NXF3: variants seen among roughly 807,000 people sequenced by gnomAD.
NXF3 encodes nuclear RNA export factor 3, also known as TAP-like protein 3.
A neutral mutation model predicts 48.4 loss-of-function variants in NXF3; 34 were observed. The ratio of observed to expected loss-of-function variants is 0.70; its 90% confidence interval spans 0.53 to 0.93. The LOEUF is 0.93. Ranked by LOEUF, NXF3 falls within the 40% of genes least tolerant of loss-of-function variation. The pLI is 0.00. For synonymous variants in NXF3, 132 were observed against 145.7 expected (o/e 0.91, Z 0.68); for missense variants, 359 against 406.1 (o/e 0.88, Z 1.00).
chrX:103,078,289 C>T (rs1921920002), intron 17 of NXF3, among the ~76,000 whole-genome samples: 1 of 111,700 alleles, frequency 9.0e-6, no homozygotes, highest in Non-Finnish European at 1.9e-5. Context: ...CCACACCCAG[C>T]TAATTTTTAG....
chrX:103,083,087 G>A lies in NXF3; in HGVS notation c.622-14C>T. The A allele has an allele frequency of 2.2e-5, 26 of 1,208,668 alleles. No homozygotes were observed. Among genetic ancestry groups the A allele is most frequent in the Non-Finnish European group, 2.9e-5 (26 of 892,665 alleles). On this transcript the variant is annotated splice_polypyrimidine_tract_variant and intron_variant, in intron 6 of 19. Transcript: ENST00000395065. ...GTTCATGGCCAGCTGCAGAGTTAGA[G>A]ATGGGTTTCAGAGGCTCTGAAGTTG...
chrX:103,082,495 C>T (rs1360729445), intron 8 of NXF3, 131 bp from the exon 9 acceptor site: 3 of 488,595 alleles, frequency 6.1e-6, no homozygotes, highest in Non-Finnish European at 1.1e-5. Context: ...CCCTCCTCCC[C>T]CTTTTTCTTC....
rs371513942 is a variant in NXF3, at chrX:103,079,417, G to C, written c.1277C>G (p.Ala426Gly). ...TKLDIVDSLSALPKTQHDLSS... is the reference protein window; with the variant it reads ...TKLDIVDSLSGLPKTQHDLSS... ...GAGGTCATGCTGAGTTTTAGGCAAC[G>C]CACTGAGGGAGTCCACAATATCAAG... The change falls in exon 15 of 20, where the codon GCG (alanine) becomes GGG (glycine). Residue 426 changes from alanine (A) to glycine (G), a missense_variant. By Grantham distance (60) the Ala-to-Gly change is moderately conservative. Coordinates refer to ENST00000395065, the MANE Select transcript of NXF3 (RefSeq NM_022052.2). 4 of 1,209,425 alleles carry C rather than the reference G, an allele frequency of 3.3e-6. No homozygotes were observed. The highest frequency in any genetic ancestry group is 4.5e-6 in the Non-Finnish European group (4 of 894,929).
In NXF3 at chrX:103,093,116, G is replaced by A. The variant is rs1279220457; in HGVS notation, c.-93C>T. The A allele has an allele frequency of 1.2e-6, 1 of 827,709 alleles. No individual in the cohort carries two copies. The highest frequency in any genetic ancestry group is 1.8e-6 in the Non-Finnish European group (1 of 554,799). The allele number at this position is 827,709 out of a possible 1,213,427, so 68.2% of individuals were successfully genotyped here. ...AGATTGAGGAGGGCTGCTGACGAAG[G>A]CGAGAGCAAGCCTCAAGCCTTGCTT... On this transcript the variant is annotated 5_prime_UTR_variant, in exon 1 of 20. Coordinates refer to ENST00000395065, the MANE Select transcript of NXF3 (RefSeq NM_022052.2).
chrX:103,087,551 A>G, intron 1 of NXF3: 1 of 965,826 alleles, frequency 1.0e-6, no homozygotes. Flanking sequence ...AGACTGCTGG[A>G]GGCCAAACAA....
chrX:103,084,684 A>C (rs763331127), intron 2 of NXF3, 31 bp downstream of exon 2: 7 of 1,192,915 alleles, frequency 5.9e-6, no homozygotes, highest in African/African-American at 1.8e-5. Context: ...TGGCTGGTAC[A>C]TTCCAGCCAT....
intron 1 of NXF3, chrX:103,088,278 G>GAGAT (rs1922201265): frequency 1.7e-6 from 1 of 579,319 alleles, no homozygotes; most frequent in Non-Finnish European, 2.8e-6. Flanking sequence ...TATTTAAAAA[G>GAGAT]AGATTCTTGA....
At chrX:103,087,673 T>C (rs1047186479) in intron 1 of NXF3, 2 of 1,026,674 alleles carry the variant, frequency 1.9e-6, no homozygotes, top group African/African-American at 3.7e-5. Flanking sequence ...AGAATATTCA[T>C]GCATATACAA....
intron 17 of NXF3, among the ~76,000 whole-genome samples, chrX:103,078,271 G>A (rs776487911): frequency 1.8e-5 from 2 of 111,718 alleles, no homozygotes; most frequent in South Asian, 7.6e-4. Context: ...GATGATAGAT[G>A]CACACCACCA....
At chrX:103,088,757 A>G in intron 1 of NXF3, 6 of 1,104,281 alleles carry the variant, frequency 5.4e-6, no homozygotes, top group Non-Finnish European at 7.3e-6. Context: ...CAGCTCACTT[A>G]AAAAGACATG....
At chrX:103,080,876 G>A in intron 9 of NXF3, 1 of 384,207 alleles carries the variant, frequency 2.6e-6, no homozygotes, top group Non-Finnish European at 4.6e-6. Flanking sequence ...CCAGGGCTCT[G>A]CTACCTCACT....
intron 16 of NXF3, 83 bp downstream of exon 16, chrX:103,079,138 A>G (rs1921944343): frequency 5.3e-6 from 5 of 948,242 alleles, no homozygotes; most frequent in Admixed American, 2.2e-5. Context: ...GAAATGAGGG[A>G]AGCTGGGGGA....
At chrX:103,076,907 C>T (rs1281175384) in intron 18 of NXF3, among the ~76,000 whole-genome samples, 1 of 110,736 alleles carries the variant, frequency 9.0e-6, no homozygotes, top group Admixed American at 9.7e-5. Flanking sequence ...TTCTCAATAT[C>T]CTACCCTTTC....
intron 3 of NXF3, 32 bp downstream of exon 3, chrX:103,084,310 G>T: frequency 5.8e-6 from 7 of 1,205,783 alleles, no homozygotes; most frequent in Non-Finnish European, 7.8e-6. Context: ...TTCTCCTTCT[G>T]AACATTAGAT....
chrX:103,089,108 A>C (rs1047761905), intron 1 of NXF3: 2 of 906,427 alleles, frequency 2.2e-6, no homozygotes, highest in Non-Finnish European at 3.2e-6. Flanking sequence ...GGAGTTTCTG[A>C]TCTCCATCTA....
chrX:103,089,867 C>G (rs761668811), intron 1 of NXF3, among the ~76,000 whole-genome samples: 1 of 109,454 alleles, frequency 9.1e-6, no homozygotes, highest in Non-Finnish European at 1.9e-5. Context: ...ATTTTTAGGA[C>G]TATGTGGTAA....
intron 1 of NXF3, chrX:103,089,426 A>G: frequency 8.4e-6 from 2 of 238,307 alleles, no homozygotes; most frequent in Non-Finnish European, 1.5e-5. Flanking sequence ...GAGGTAAAAT[A>G]CATAGAAAAT....
intron 1 of NXF3, chrX:103,088,855 A>G: frequency 8.5e-7 from 1 of 1,174,823 alleles, no homozygotes; most frequent in Non-Finnish European, 1.2e-6. Context: ...CATCCACGTA[A>G]TAATGTTAAC....
intron 1 of NXF3, chrX:103,088,664 T>C: frequency 2.2e-6 from 2 of 929,332 alleles, no homozygotes; most frequent in Non-Finnish European, 3.0e-6. Flanking sequence ...TCCTTCTGTA[T>C]CCAAACTAAA....
Sources: gnomAD v4.1 joint callset for allele counts (sites outside exome capture counted in the v4.1 genomes callset) on GRCh38, gnomAD v4.1.1 for gene constraint, MANE v1.5 for transcripts, NCBI Gene and HGNC (gene_info 2026-07-23, HGNC 2026-07-21) for gene names.